Variants in CHL1 observed in about 807,000 individuals in gnomAD.
CHL1 encodes the protein neural cell adhesion molecule L1-like protein.
A neutral mutation model predicts 141.9 loss-of-function variants in CHL1; 96 were observed. The observed-to-expected ratio is 0.68, with a 90% CI of 0.57 to 0.80. The LOEUF is 0.80. Among genes scored for constraint, CHL1 ranks in the 30% least tolerant of loss-of-function variants. The pLI is 0.00. For synonymous variants in CHL1, 613 were observed against 502.2 expected (o/e 1.22, Z -2.95); for missense variants, 1,820 against 1,457.2 (o/e 1.25, Z -4.05).
At chr3:338,980 T>G (rs1702152331) in intron 5 of CHL1, among the ~76,000 whole-genome samples, 1 of 152,214 alleles carries the variant, frequency 6.6e-6, no homozygotes, top group Admixed American at 6.5e-5. Context: ...CAATAGATAT[T>G]ATCCAGTGAA....
At chr3:274,121 G>T (rs1479378916) in intron 2 of CHL1, among the ~76,000 whole-genome samples, 1 of 152,134 alleles carries the variant, frequency 6.6e-6, no homozygotes, top group Non-Finnish European at 1.5e-5. Flanking sequence ...CAGAGAATTT[G>T]CATGTACTCA....
chr3:386,142 A>C (rs1290747899), intron 19 of CHL1, among the ~76,000 whole-genome samples: 1 of 150,104 alleles, frequency 6.7e-6, no homozygotes, highest in Non-Finnish European at 1.5e-5. Flanking sequence ...GAATTACCAG[A>C]CCCCCTCCAG....
chr3:245,028 C>T (rs544975115), intron 2 of CHL1, among the ~76,000 whole-genome samples: 1 of 152,208 alleles, frequency 6.6e-6, no homozygotes, highest in East Asian at 1.9e-4. Flanking sequence ...AATAGTTTCA[C>T]CACTGAGATT....
Position 398,348 on chromosome 3 carries a change from T to C in CHL1, c.3216T>C (p.Asp1072=), listed in dbSNP as rs1232096649. ...TGACTAAGAATTGGGGCGATAATGATAGCATTTTTCAAGATGTAATTGAGA... is the reference window on the plus strand; with the variant it reads ...TGACTAAGAATTGGGGCGATAATGACAGCATTTTTCAAGATGTAATTGAGA... The part of the protein sequence containing the change: ...RLMTKNWGDN[D]SIFQDVIETR... Residue 1072 remains aspartate, a synonymous_variant, in exon 25 of 28, where the codon GAT becomes GAC. Transcript: ENST00000256509. The C allele has an allele frequency of 6.2e-7, 1 of 1,604,754 alleles. No individual in the cohort carries two copies. Among genetic ancestry groups the C allele is most frequent in the African/African-American group, 1.3e-5 (1 of 74,854 alleles).
At position 405,538 on chromosome 3, in the gene CHL1, A is replaced by C. The variant is rs1309046235; in HGVS notation, c.3502A>C (p.Asn1168His). The change falls in exon 28 of 28, where the codon AAT becomes CAT. Residue 1168 changes from asparagine (N) to histidine (H), a missense_variant. Coordinates refer to ENST00000256509, the MANE Select transcript of CHL1 (RefSeq NM_006614.4). ...TCTCAAAGGAAGCCTTCGGTCCCTT[A>C]ATAGGGATATGCAGCCTACTGAAAG... ...KPLKGSLRSL[N>H]RDMQPTESAD... The C allele has an allele frequency of 1.9e-6, 3 of 1,613,178 alleles. No homozygotes were observed. Among genetic ancestry groups the C allele is most frequent in the Non-Finnish European group, 1.7e-6 (2 of 1,179,386 alleles).
intron 2 of CHL1, among the ~76,000 whole-genome samples, chr3:264,579 C>T (rs940307251): frequency 6.6e-6 from 1 of 152,132 alleles, no homozygotes; most frequent in Admixed American, 6.6e-5. Context: ...GTTCCAAACC[C>T]AAAGATTGAA....
intron 2 of CHL1, among the ~76,000 whole-genome samples, chr3:304,183 A>G (rs1157838435): frequency 1.3e-5 from 2 of 152,136 alleles, no homozygotes; most frequent in East Asian, 3.9e-4. Flanking sequence ...TTCATCAGGG[A>G]TATTGGCCTG....
intron 5 of CHL1, among the ~76,000 whole-genome samples, chr3:334,008 G>A (rs907471533): frequency 1.3e-5 from 2 of 152,030 alleles, no homozygotes; most frequent in Non-Finnish European, 2.9e-5. Flanking sequence ...CCAGGCTAGA[G>A]TGCAGTGGTA....
rs945230022 is a variant in CHL1 at position 389,342 on chromosome 3, A to G, written c.2338A>G (p.Thr780Ala). The G allele has an allele frequency of 6.2e-7, 1 of 1,614,192 alleles. No homozygotes were observed. Among genetic ancestry groups the G allele is most frequent in the Admixed American group, 1.7e-5 (1 of 60,022 alleles). The stretch of plus-strand genomic sequence containing the variant: ...AGCCCCAGTGGAGTGGGAAGAAGAA[A>G]CAGTCACAAACCACACATTGCGGGT... ...QGAPVEWEEE[T>A]VTNHTLRVMT... Residue 780 changes from threonine to alanine, a missense_variant, in exon 20 of 28, where the codon ACA (threonine) becomes GCA (alanine). Coordinates refer to ENST00000256509, the MANE Select transcript of CHL1 (RefSeq NM_006614.4).
chr3:218,887 C>A (rs1239387885), intron 1 of CHL1, among the ~76,000 whole-genome samples: 1 of 152,182 alleles, frequency 6.6e-6, no homozygotes, highest in Non-Finnish European at 1.5e-5. Context: ...TGGCTCACAC[C>A]TGTAATCCCA....
chr3:343,070 A>G, intron 8 of CHL1, 39 bp downstream of exon 8: 1 of 1,507,028 alleles, frequency 6.6e-7, no homozygotes, highest in African/African-American at 1.4e-5. Context: ...ATTTGTGTAT[A>G]GCTCATTGTC....
At chr3:267,176 T>C (rs1695229270) in intron 2 of CHL1, among the ~76,000 whole-genome samples, 1 of 152,232 alleles carries the variant, frequency 6.6e-6, no homozygotes, top group African/African-American at 2.4e-5. Flanking sequence ...TAAATGCCTA[T>C]TGAAAAATTC....
At chr3:344,333 A>G (rs1702582990) in intron 8 of CHL1, among the ~76,000 whole-genome samples, 1 of 152,204 alleles carries the variant, frequency 6.6e-6, no homozygotes, top group Admixed American at 6.5e-5. Flanking sequence ...GAGTTAGCAG[A>G]TATGGTATAA....
intron 2 of CHL1, among the ~76,000 whole-genome samples, chr3:315,860 T>C (rs990025544): frequency 2.6e-5 from 4 of 151,878 alleles, no homozygotes; most frequent in African/African-American, 7.3e-5. Flanking sequence ...AGAGGTTTAA[T>C]AGGCAAAAGA....
intron 9 of CHL1, among the ~76,000 whole-genome samples, chr3:346,794 C>T (rs1247210353): frequency 1.3e-5 from 2 of 152,164 alleles, no homozygotes; most frequent in South Asian, 4.2e-4. Flanking sequence ...TTAAAAAACT[C>T]TTTCTAAGAA....
At chr3:402,184 G>T (rs1158011805) in intron 27 of CHL1, among the ~76,000 whole-genome samples, 1 of 152,226 alleles carries the variant, frequency 6.6e-6, no homozygotes. Context: ...GAGCACAAAA[G>T]AGAGTAACTG....
chr3:351,117 A>G (rs1703217701), intron 10 of CHL1, among the ~76,000 whole-genome samples: 1 of 152,174 alleles, frequency 6.6e-6, no homozygotes, highest in African/African-American at 2.4e-5. Context: ...TGAATATTTT[A>G]ACAATCTGGC....
intron 1 of CHL1, among the ~76,000 whole-genome samples, chr3:230,580 C>A (rs1449317644): frequency 2.0e-5 from 3 of 151,900 alleles, no homozygotes; most frequent in African/African-American, 7.3e-5. Context: ...TACTTGGGTG[C>A]CACACTTGAC....
At chr3:347,751 T>G (rs1702886519) in intron 9 of CHL1, among the ~76,000 whole-genome samples, 1 of 152,164 alleles carries the variant, frequency 6.6e-6, no homozygotes, top group African/African-American at 2.4e-5. Flanking sequence ...TGCATCCTCT[T>G]AGGTGGTGTG....
Sources: gnomAD v4.1 joint callset for allele counts (sites outside exome capture counted in the v4.1 genomes callset) on GRCh38, gnomAD v4.1.1 for gene constraint, MANE v1.5 for transcripts, NCBI Gene and HGNC (gene_info 2026-07-23, HGNC 2026-07-21) for gene names.